The following DNAH8 variants were observed in gnomAD, a reference collection of about 807,000 sequenced individuals.
DNAH8 encodes dynein axonemal heavy chain 8.
A neutral mutation model predicts 562.1 loss-of-function variants in DNAH8; 382 were observed. The ratio of observed to expected loss-of-function variants is 0.68; its 90% CI spans 0.63 to 0.74. DNAH8 has a LOEUF of 0.74. Among genes scored for constraint, DNAH8 ranks in the 30% least tolerant of loss-of-function variants. DNAH8 has a pLI of 0.00. For missense variants in DNAH8, 5,203 were observed against 5,620.4 expected (o/e 0.93, Z 2.37); for synonymous variants, 1,881 against 1,919.4 (o/e 0.98, Z 0.52).
In DNAH8 at chr6:38,862,292, G is replaced by A. The variant is rs770765867; in HGVS notation, c.6144G>A (p.Thr2048=). ...ITPLTDRCYI[T]LAQALGMNMG... ...TGAACATTTGCAGATGCTATATCAC[G>A]TTAGCTCAGGCCTTGGGCATGAACA... Residue 2048 remains threonine (T), a synonymous_variant, in exon 44 of 93, where the codon ACG becomes ACA. Coordinates refer to ENST00000327475, the MANE Select transcript of DNAH8 (RefSeq NM_001206927.2). The A allele has an allele frequency of 4.3e-6, 7 of 1,613,078 alleles. No homozygotes were observed. The highest frequency in any genetic ancestry group is 3.3e-5 in the South Asian group (3 of 90,856).
intron 45 of DNAH8, 111 bp downstream of exon 45, chr6:38,864,171 G>A: frequency 1.1e-6 from 1 of 901,096 alleles, no homozygotes; most frequent in Non-Finnish European, 1.7e-6. Context: ...GTTATAAGCT[G>A]TTCTCTCTTA....
intron 26 of DNAH8, among the ~76,000 whole-genome samples, chr6:38,821,699 A>G (rs1406283058): frequency 6.6e-6 from 1 of 152,020 alleles, no homozygotes; most frequent in East Asian, 1.9e-4. Flanking sequence ...AGTAGATGGG[A>G]CTACCGGCAC....
At chr6:38,738,331 A>G (rs1243747721) in intron 7 of DNAH8, among the ~76,000 whole-genome samples, 1 of 152,184 alleles carries the variant, frequency 6.6e-6, no homozygotes, top group Non-Finnish European at 1.5e-5. Flanking sequence ...GCTAGACACT[A>G]AATAAGTACC....
At chr6:38,984,459 C>T (rs764237224) in intron 87 of DNAH8, 152 bp downstream of exon 87, 45 of 611,594 alleles carry the variant, frequency 7.4e-5, no homozygotes, top group Middle Eastern at 3.7e-4. Context: ...CTTACACACA[C>T]GCACACACAT....
intron 82 of DNAH8, among the ~76,000 whole-genome samples, chr6:38,953,491 G>C (rs768926668): frequency 5.3e-5 from 8 of 152,140 alleles, no homozygotes; most frequent in Non-Finnish European, 8.8e-5. Context: ...TGGCAATTTG[G>C]TGGTTTCCGT....
intron 67 of DNAH8, among the ~76,000 whole-genome samples, chr6:38,914,730 A>G (rs1781174064): frequency 6.6e-6 from 1 of 152,282 alleles, no homozygotes; most frequent in Middle Eastern, 3.4e-3. Context: ...AGTTAAGAAT[A>G]GATACTTCAG....
At chr6:38,722,664 T>C (rs1762852672) in intron 1 of DNAH8, 112 bp from the exon 2 acceptor site, 3 of 878,066 alleles carry the variant, frequency 3.4e-6, no homozygotes, top group East Asian at 2.7e-5. Flanking sequence ...TTAGATAATA[T>C]GGCAAGGGAG....
chr6:38,752,446 G>A (rs1765548217), intron 9 of DNAH8, among the ~76,000 whole-genome samples: 1 of 152,244 alleles, frequency 6.6e-6, no homozygotes, highest in African/African-American at 2.4e-5. Flanking sequence ...TTACAGGCGT[G>A]AGCCATCGGG....
In DNAH8 at chr6:38,893,395, G is replaced by A. The variant is rs568810012; in HGVS notation, c.8584-1306G>A. ...TATTAGAAGAGAAGGAAAGAAGCAGGTTAACAAATAATGAGAAGAAGAAGG... is the reference window on the plus strand; with the variant it reads ...TATTAGAAGAGAAGGAAAGAAGCAGATTAACAAATAATGAGAAGAAGAAGG... On this transcript the variant is annotated intron_variant, in intron 58 of 92. Transcript: ENST00000327475. Among the ~76,000 whole-genome samples, 3 of 152,192 alleles carry A rather than the reference G, an allele frequency of 2.0e-5. No homozygotes were observed. In the East Asian group the frequency reaches 5.8e-4, roughly 29 times the overall value.
In DNAH8 at chr6:38,872,708, TG is replaced by T. The variant is rs757524891; in HGVS notation, c.7165del (p.Asp2389ThrfsTer20). ...ACTGCACCTCAGATGTTTGGCAGAC[TG>T]GACACTGCTACCAATGACTGGACAG... ...AITAPQMFGR[L>X]DTATNDWTDG... On this transcript the variant is annotated frameshift_variant, in exon 50 of 93. Coordinates refer to ENST00000327475, the MANE Select transcript of DNAH8 (RefSeq NM_001206927.2). LOFTEE classifies it high-confidence loss of function. 6.2e-7 allele frequency: 1 copy of T among 1,614,116 alleles called. No individual in the cohort carries two copies. Among genetic ancestry groups the T allele is most frequent in the South Asian group, 1.1e-5 (1 of 91,084 alleles).
chr6:38,999,129 T>C (rs917834254), intron 88 of DNAH8, among the ~76,000 whole-genome samples: 1 of 152,236 alleles, frequency 6.6e-6, no homozygotes, highest in Non-Finnish European at 1.5e-5. Flanking sequence ...CCAACATCTA[T>C]GTTTTGAGGC....
chr6:38,914,238 T>C (rs1025314690), intron 67 of DNAH8, among the ~76,000 whole-genome samples: 3 of 152,026 alleles, frequency 2.0e-5, no homozygotes, highest in Non-Finnish European at 2.9e-5. Context: ...ATGAGTTATA[T>C]TTGGTCTTCT....
intron 85 of DNAH8, among the ~76,000 whole-genome samples, chr6:38,981,929 T>A (rs887580173): frequency 5.9e-5 from 9 of 152,240 alleles, no homozygotes; most frequent in African/African-American, 2.2e-4. Flanking sequence ...GGTGGTCCTG[T>A]AAGAGTATAA....
chr6:38,736,361 C>T (rs1280343208), intron 5 of DNAH8, among the ~76,000 whole-genome samples: 1 of 152,116 alleles, frequency 6.6e-6, no homozygotes, highest in Non-Finnish European at 1.5e-5. Context: ...CATCAGAATA[C>T]TAAGATGCTA....
At chr6:38,931,017 G>A (rs950979940) in intron 75 of DNAH8, among the ~76,000 whole-genome samples, 2 of 151,932 alleles carry the variant, frequency 1.3e-5, no homozygotes, top group Admixed American at 1.3e-4. Flanking sequence ...TCTGTGTCTG[G>A]CTTATCTTAT....
At chr6:38,892,332 G>A (rs951012914) in intron 58 of DNAH8, among the ~76,000 whole-genome samples, 2 of 152,140 alleles carry the variant, frequency 1.3e-5, no homozygotes, top group Non-Finnish European at 1.5e-5. Flanking sequence ...ATAGACATCA[G>A]TGTTTGATGT....
At chr6:38,724,394 T>C (rs1352958039) in intron 3 of DNAH8, among the ~76,000 whole-genome samples, 1 of 152,210 alleles carries the variant, frequency 6.6e-6, no homozygotes, top group Non-Finnish European at 1.5e-5. Context: ...GTTAGAGGCA[T>C]AGTTGAGTGG....
chr6:38,939,015 T>A, intron 79 of DNAH8, 27 bp downstream of exon 79: 1 of 1,582,548 alleles, frequency 6.3e-7, no homozygotes, highest in South Asian at 1.1e-5. Context: ...ACAGATGTGG[T>A]GTGTGGAGGA....
In DNAH8 at chr6:38,722,979, C is replaced by T. The variant is rs753713102; in HGVS notation, c.170C>T (p.Ser57Phe). 1.9e-6 allele frequency: 3 copies of T among 1,612,748 alleles called. No individual in the cohort carries two copies. The highest frequency in any genetic ancestry group is 2.2e-5 in the South Asian group (2 of 91,084). Residue 57 changes from serine to phenylalanine, a missense_variant, in exon 2 of 93, where the codon TCT becomes TTT. Physicochemically the swap from Ser to Phe is radical, Grantham distance 155. Coordinates refer to ENST00000327475, the MANE Select transcript of DNAH8 (RefSeq NM_001206927.2). ...FSPSAEDAVSSVVDYRDLIPS... is the reference protein window; with the variant it reads ...FSPSAEDAVSFVVDYRDLIPS... ...CCTTCCGCAGAAGATGCTGTTTCTT[C>T]TGTGGTGGATTATCGGGATCTCATT... is the stretch of plus-strand genomic sequence containing the variant.
Sources: gnomAD v4.1 joint callset for allele counts (sites outside exome capture counted in the v4.1 genomes callset) on GRCh38, gnomAD v4.1.1 for gene constraint, MANE v1.5 for transcripts, NCBI Gene and HGNC (gene_info 2026-07-23, HGNC 2026-07-21) for gene names.